HBQ1: variants seen among roughly 807,000 people sequenced by gnomAD.
HBQ1 encodes hemoglobin subunit theta 1.
A neutral mutation model predicts 8.2 loss-of-function variants in HBQ1; 9 were observed. The ratio of observed to expected loss-of-function variants is 1.10; its 90% CI spans 0.66 to 1.92. HBQ1 has a LOEUF of 1.92. Ranked by LOEUF, HBQ1 falls within the 40% of genes most tolerant of loss-of-function variation. The pLI is 0.00. For missense variants in HBQ1, 216 were observed against 189.3 expected (o/e 1.14, Z -0.83); for synonymous variants, 102 against 100.0 (o/e 1.02, Z -0.12).
At chr16:180,603 C>T (rs1255562833) in intron 1 of HBQ1, 22 bp downstream of exon 1, 15 of 1,532,068 alleles carry the variant, frequency 9.8e-6, no homozygotes, top group Admixed American at 2.0e-5. Context: ...TGGGCGCCCC[C>T]GCCCCCAGGG....
chr16:180,934 CG>C, intron 2 of HBQ1, 45 bp from the exon 3 acceptor site: 1 of 1,517,706 alleles, frequency 6.6e-7, no homozygotes, highest in African/African-American at 1.4e-5. Context: ...GTGCGGGGGG[CG>C]TGCGGGGCGG....
intron 1 of HBQ1, 23 bp from the exon 2 acceptor site, chr16:180,643 C>A: frequency 6.5e-7 from 1 of 1,542,040 alleles, no homozygotes; most frequent in Non-Finnish European, 8.7e-7. Context: ...CCCGGACGCG[C>A]CTCACCCACG....
In HBQ1 at chr16:180,792, G is replaced by A; in HGVS notation, c.222G>A (p.Leu74=). ...ADALSLAVER[L]DDLPHALSAL... Reference sequence around the variant, plus strand: ...CGCTGAGCCTCGCCGTGGAGCGCCTGGACGACCTACCCCACGCGCTGTCCG... The same window carrying A: ...CGCTGAGCCTCGCCGTGGAGCGCCTAGACGACCTACCCCACGCGCTGTCCG... The change falls in exon 2 of 3, where the codon CTG becomes CTA. Residue 74 remains leucine, a synonymous_variant. Coordinates refer to ENST00000199708, the MANE Select transcript of HBQ1 (RefSeq NM_005331.5). The A allele has an allele frequency of 1.9e-6, 3 of 1,563,984 alleles. No homozygotes were observed. The African/African-American group carries it at 4.1e-5, about 21-fold the overall frequency.
rs374771812 is a variant in HBQ1 at position 181,126 on chromosome 16, G to A, written c.*18G>A. The stretch of plus-strand genomic sequence containing the variant: ...ACCGCTGAACTGTGGGTGGGTGGCC[G>A]CGGGATCCCCAGGCGACCTTCCCCG... On this transcript the variant is annotated 3_prime_UTR_variant, in exon 3 of 3. Coordinates refer to ENST00000199708, the MANE Select transcript of HBQ1 (RefSeq NM_005331.5). 2.5e-6 allele frequency: 4 copies of A among 1,611,758 alleles called. No individual in the cohort carries two copies. Among genetic ancestry groups the A allele is most frequent in the Non-Finnish European group, 3.4e-6 (4 of 1,179,166 alleles).
chr16:180,665 G>A lies in HBQ1; in HGVS notation c.96-1G>A, dbSNP rs1186864557. 1 of 1,558,182 alleles carries A rather than the reference G, an allele frequency of 6.4e-7. No individual in the cohort carries two copies. Among genetic ancestry groups the A allele is most frequent in the Non-Finnish European group, 8.7e-7 (1 of 1,154,552 alleles). On this transcript the variant is annotated splice_acceptor_variant, in intron 1 of 2. Coordinates refer to ENST00000199708, the MANE Select transcript of HBQ1 (RefSeq NM_005331.5). LOFTEE classifies it high-confidence loss of function. ...GCGCCTCACCCACGTTCCTCTCGCAGGACCTTCCTGGCTTTCCCCGCCACG... is the reference window on the plus strand; with the variant it reads ...GCGCCTCACCCACGTTCCTCTCGCAAGACCTTCCTGGCTTTCCCCGCCACG...
In HBQ1 at chr16:180,538, C is replaced by A; in HGVS notation, c.52C>A (p.Leu18Met). 6.5e-7 allele frequency: 1 copy of A among 1,539,198 alleles called. No homozygotes were observed. The highest frequency in any genetic ancestry group is 2.5e-5 in the East Asian group (1 of 40,672). Reference protein sequence around the residue: ...RALVRALWKKLGSNVGVYTTE... With the variant: ...RALVRALWKKMGSNVGVYTTE... ...GCTGGTGCGCGCCCTGTGGAAGAAG[C>A]TGGGCAGCAACGTCGGCGTCTACAC... The change falls in exon 1 of 3, where the codon CTG becomes ATG. Residue 18 changes from leucine (L) to methionine (M), a missense_variant. Leu to Met is a conservative substitution (Grantham distance 15). Coordinates refer to ENST00000199708, the MANE Select transcript of HBQ1 (RefSeq NM_005331.5).
Position 180,585 on chromosome 16 carries a change from C to A in HBQ1, c.95+4C>A. On this transcript the variant is annotated splice_donor_region_variant and intron_variant, in intron 1 of 2. Coordinates refer to ENST00000199708, the MANE Select transcript of HBQ1 (RefSeq NM_005331.5). ...ACACGACAGAGGCCCTGGAAAGGTG[C>A]GGCAGGCTGGGCGCCCCCGCCCCCA... is the stretch of plus-strand genomic sequence containing the variant. The A allele has an allele frequency of 6.5e-7, 1 of 1,539,364 alleles. No individual in the cohort carries two copies. Among genetic ancestry groups the A allele is most frequent in the Non-Finnish European group, 8.7e-7 (1 of 1,144,016 alleles).
At position 181,134 on chromosome 16, in the gene HBQ1, C is replaced by A; in HGVS notation, c.*26C>A. On this transcript the variant is annotated 3_prime_UTR_variant, in exon 3 of 3. Transcript: ENST00000199708. ...ACTGTGGGTGGGTGGCCGCGGGATC[C>A]CCAGGCGACCTTCCCCGTGTTTGAG... The A allele has an allele frequency of 6.2e-7, 1 of 1,611,394 alleles. No individual in the cohort carries two copies. Among genetic ancestry groups the A allele is most frequent in the Non-Finnish European group, 8.5e-7 (1 of 1,178,944 alleles).
intron 1 of HBQ1, 33 bp downstream of exon 1, chr16:180,614 G>GCC: frequency 6.5e-7 from 1 of 1,528,548 alleles, no homozygotes; most frequent in Non-Finnish European, 8.8e-7. Context: ...GCCCCCAGGG[G>GCC]CCCTCCCTCC....
At position 181,119 on chromosome 16, in the gene HBQ1, G is replaced by A; in HGVS notation, c.*11G>A. 1 of 1,612,180 alleles carries A rather than the reference G, an allele frequency of 6.2e-7. No homozygotes were observed. Among genetic ancestry groups the A allele is most frequent in the South Asian group, 1.1e-5 (1 of 90,658 alleles). On this transcript the variant is annotated 3_prime_UTR_variant, in exon 3 of 3. Transcript: ENST00000199708. ...TCCGAGTACCGCTGAACTGTGGGTG[G>A]GTGGCCGCGGGATCCCCAGGCGACC...
Position 180,944 on chromosome 16 carries a change from G to A in HBQ1, c.301-36G>A, listed in dbSNP as rs765219874. On this transcript the variant is annotated intron_variant, in intron 2 of 2. Coordinates refer to ENST00000199708, the MANE Select transcript of HBQ1 (RefSeq NM_005331.5). ...GGTGGGTGCGGGGGGCGTGCGGGGC[G>A]GGTGCAGGCGAGTGAGCCTTGAGCG... 2.8e-5 allele frequency: 43 copies of A among 1,540,430 alleles called. No individual in the cohort carries two copies. In the South Asian group the frequency reaches 4.0e-4, roughly 14 times the overall value.
Position 180,787 on chromosome 16 carries a change from C to G in HBQ1, c.217C>G (p.Arg73Gly), listed in dbSNP as rs774187922. 1.9e-6 allele frequency: 3 copies of G among 1,565,386 alleles called. No homozygotes were observed. Among genetic ancestry groups the G allele is most frequent in the South Asian group, 1.2e-5 (1 of 86,482 alleles). ...VADALSLAVE[R>G]LDDLPHALSA... ...GGACGCGCTGAGCCTCGCCGTGGAG[C>G]GCCTGGACGACCTACCCCACGCGCT... Residue 73 changes from arginine to glycine, a missense_variant, in exon 2 of 3, where the codon CGC becomes GGC. Coordinates refer to ENST00000199708, the MANE Select transcript of HBQ1 (RefSeq NM_005331.5).
At position 180,684 on chromosome 16, in the gene HBQ1, C is replaced by T; in HGVS notation, c.114C>T (p.Pro38=). 1 of 1,588,598 alleles carries T rather than the reference C, an allele frequency of 6.3e-7. No individual in the cohort carries two copies. The highest frequency in any genetic ancestry group is 8.5e-7 in the Non-Finnish European group (1 of 1,169,804). The change falls in exon 2 of 3, where the codon CCC becomes CCT. Residue 38 remains proline, a synonymous_variant. Coordinates refer to ENST00000199708, the MANE Select transcript of HBQ1 (RefSeq NM_005331.5). ...EALERTFLAF[P]ATKTYFSHLD... Reference sequence around the variant, plus strand: ...CTCGCAGGACCTTCCTGGCTTTCCCCGCCACGAAGACCTACTTCTCCCACC... The same window carrying T: ...CTCGCAGGACCTTCCTGGCTTTCCCTGCCACGAAGACCTACTTCTCCCACC...
At position 181,066 on chromosome 16, in the gene HBQ1, C is replaced by T. The variant is rs2048879796; in HGVS notation, c.387C>T (p.Phe129=). 2.5e-6 allele frequency: 4 copies of T among 1,613,476 alleles called. No homozygotes were observed. The highest frequency in any genetic ancestry group is 1.7e-5 in the Admixed American group (1 of 60,020). The stretch of plus-strand genomic sequence containing the variant: ...CGCTGCAGGCGTCGCTGGACAAGTT[C>T]CTGAGCCACGTTATCTCGGCGCTGG... The part of the protein sequence containing the change: ...SPALQASLDK[F]LSHVISALVS... The change falls in exon 3 of 3, where the codon TTC becomes TTT. Residue 129 remains phenylalanine, a synonymous_variant. Coordinates refer to ENST00000199708, the MANE Select transcript of HBQ1 (RefSeq NM_005331.5).
rs1902247183 is a variant in HBQ1, at chr16:180,794, A to G, written c.224A>G (p.Asp75Gly). 2 of 1,563,184 alleles carry G rather than the reference A, an allele frequency of 1.3e-6. No individual in the cohort carries two copies. Among genetic ancestry groups the G allele is most frequent in the African/African-American group, 1.4e-5 (1 of 73,614 alleles). The change falls in exon 2 of 3, where the codon GAC becomes GGC. Residue 75 changes from aspartate to glycine, a missense_variant. Transcript: ENST00000199708. ...CTGAGCCTCGCCGTGGAGCGCCTGG[A>G]CGACCTACCCCACGCGCTGTCCGCG... ...DALSLAVERL[D>G]DLPHALSALS...
rs1226621444 is a variant in HBQ1, at chr16:180,766, G to C, written c.196G>C (p.Ala66Pro). The C allele has an allele frequency of 2.5e-6, 4 of 1,576,666 alleles. No individual in the cohort carries two copies. The highest frequency in any genetic ancestry group is 3.4e-6 in the Non-Finnish European group (4 of 1,163,424). The change falls in exon 2 of 3, where the codon GCG becomes CCG. Residue 66 changes from alanine (A) to proline (P), a missense_variant. Transcript: ENST00000199708. ...AGCCCACGGCCAGAAGGTGGCGGAC[G>C]CGCTGAGCCTCGCCGTGGAGCGCCT... The part of the protein sequence containing the change: ...VRAHGQKVAD[A>P]LSLAVERLDD...
Position 181,026 on chromosome 16 carries a change from G to C in HBQ1, c.347G>C (p.Gly116Ala). Residue 116 changes from glycine to alanine, a missense_variant, in exon 3 of 3, where the codon GGA becomes GCA. Transcript: ENST00000199708. ...GTAACCCTCGCCCGGCACTACCCCG[G>C]AGACTTCAGCCCCGCGCTGCAGGCG... ...LLVTLARHYP[G>A]DFSPALQASL... is the part of the protein sequence containing the mutation. 6.2e-7 allele frequency: 1 copy of C among 1,612,994 alleles called. No homozygotes were observed. Among genetic ancestry groups the C allele is most frequent in the Non-Finnish European group, 8.5e-7 (1 of 1,179,858 alleles).
Position 180,870 on chromosome 16 carries a change from G to C in HBQ1, c.300G>C (p.Gln100His), listed in dbSNP as rs890768938. The C allele has an allele frequency of 1.3e-6, 2 of 1,533,014 alleles. No homozygotes were observed. Among genetic ancestry groups the C allele is most frequent in the African/African-American group, 1.4e-5 (1 of 72,570 alleles). 95.0% of individuals were successfully genotyped at this position (1,533,014 alleles called of 1,614,324 possible). A position where few individuals can be genotyped will look rare whatever the true frequency, so the allele number is the denominator to read the frequency against. ...CQLRVDPASF[Q>H]LLGHCLLVTL... Reference sequence around the variant, plus strand: ...TGCGAGTGGACCCGGCCAGCTTCCAGGTGAGCGGCTGCCGTGCTGGGCCCC... The same window carrying C: ...TGCGAGTGGACCCGGCCAGCTTCCACGTGAGCGGCTGCCGTGCTGGGCCCC... Residue 100 changes from glutamine (Q) to histidine (H), a missense_variant and splice_region_variant, in exon 2 of 3, where the codon CAG (glutamine) becomes CAC (histidine). Gln to His is a conservative substitution (Grantham distance 24). Coordinates refer to ENST00000199708, the MANE Select transcript of HBQ1 (RefSeq NM_005331.5).
Position 181,058 on chromosome 16 carries a change from G to T in HBQ1, c.379G>T (p.Asp127Tyr), listed in dbSNP as rs1466813776. ...CAGCCCCGCGCTGCAGGCGTCGCTGGACAAGTTCCTGAGCCACGTTATCTC... is the reference window on the plus strand; with the variant it reads ...CAGCCCCGCGCTGCAGGCGTCGCTGTACAAGTTCCTGAGCCACGTTATCTC... ...DFSPALQASLDKFLSHVISAL... is the reference protein window; with the variant it reads ...DFSPALQASLYKFLSHVISAL... Residue 127 changes from aspartate to tyrosine, a missense_variant, in exon 3 of 3, where the codon GAC becomes TAC. Asp to Tyr is a radical substitution (Grantham distance 160). Transcript: ENST00000199708. 12 of 1,613,288 alleles carry T rather than the reference G, an allele frequency of 7.4e-6. No homozygotes were observed. Among genetic ancestry groups the T allele is most frequent in the Non-Finnish European group, 8.5e-6 (10 of 1,179,914 alleles).
Sources: gnomAD v4.1 joint callset for allele counts on GRCh38, gnomAD v4.1.1 for gene constraint, MANE v1.5 for transcripts, NCBI Gene and HGNC (gene_info 2026-07-23, HGNC 2026-07-21) for gene names.